Variants in CNTN4 observed in about 807,000 individuals in gnomAD.
CNTN4 encodes the protein contactin-4.
In CNTN4, 77 loss-of-function variants were observed where a neutral mutation model predicts 122.5. The observed-to-expected ratio is 0.63, with a 90% CI of 0.52 to 0.76. The LOEUF is 0.76. CNTN4 is among the 30% of genes least tolerant of loss of function. The pLI, the probability that CNTN4 is intolerant of heterozygous loss-of-function variation, is 0.00. For synonymous variants in CNTN4, 512 were observed against 447.0 expected, an observed-to-expected ratio of 1.15 and a Z score of -1.83; for missense variants, 1,256 against 1,259.1, an observed-to-expected ratio of 1.00 and a Z score of 0.04.
At chr3:2,873,823 A>C (rs917254249) in intron 8 of CNTN4, among the ~76,000 whole-genome samples, 3 of 152,216 alleles carry the variant, frequency 2.0e-5, no homozygotes, top group Admixed American at 1.3e-4. Context: ...TTAGACAGGC[A>C]ACAGGTAGAG....
intron 2 of CNTN4, among the ~76,000 whole-genome samples, chr3:2,193,526 C>T (rs1026257712): frequency 2.0e-5 from 3 of 152,122 alleles, no homozygotes; most frequent in Admixed American, 2.0e-4. Flanking sequence ...CAGTATGTGG[C>T]CATAGACTGG....
At chr3:2,367,587 C>T (rs1303937450) in intron 3 of CNTN4, among the ~76,000 whole-genome samples, 1 of 152,076 alleles carries the variant, frequency 6.6e-6, no homozygotes, top group Non-Finnish European at 1.5e-5. Flanking sequence ...TGCAATGGCA[C>T]AATCTCAGCT....
chr3:2,254,590 G>T (rs2040504453), intron 2 of CNTN4, among the ~76,000 whole-genome samples: 1 of 152,050 alleles, frequency 6.6e-6, no homozygotes, highest in South Asian at 2.1e-4. Flanking sequence ...AATCTAACTG[G>T]CGTGAGATGG....
chr3:2,116,591 T>C (rs1165909380), intron 2 of CNTN4, among the ~76,000 whole-genome samples: 1 of 152,200 alleles, frequency 6.6e-6, no homozygotes, highest in Non-Finnish European at 1.5e-5. Context: ...GGAACACTAA[T>C]TCTTCTAGGT....
intron 4 of CNTN4, among the ~76,000 whole-genome samples, chr3:2,620,599 A>G (rs1392010080): frequency 6.6e-6 from 1 of 152,188 alleles, no homozygotes; most frequent in Non-Finnish European, 1.5e-5. Context: ...TTCTACTCAT[A>G]AAAGACTTAG....
At chr3:2,895,127 C>CA (rs1251088116) in intron 10 of CNTN4, among the ~76,000 whole-genome samples, 1 of 152,146 alleles carries the variant, frequency 6.6e-6, no homozygotes, top group African/African-American at 2.4e-5. Context: ...AGACAGGCAC[C>CA]ACCATGCCCG....
At chr3:2,797,920 A>ATTTTTTTTTTTTTTTTTTT (rs10684232) in intron 6 of CNTN4, among the ~76,000 whole-genome samples, 1 of 137,840 alleles carries the variant, frequency 7.3e-6, no homozygotes, top group African/African-American at 2.7e-5. Context: ...CACACTGAGT[A>ATTTTTTTTTTTTTTTTTTT]TTTTTTTTTT....
At chr3:2,661,649 C>T (rs1015563855) in intron 4 of CNTN4, among the ~76,000 whole-genome samples, 2 of 151,728 alleles carry the variant, frequency 1.3e-5, no homozygotes, top group African/African-American at 4.8e-5. Flanking sequence ...CCTGTCTCTA[C>T]TGAAAGTACA....
chr3:2,932,801 T>C (rs1236478545), intron 13 of CNTN4, among the ~76,000 whole-genome samples: 1 of 58,242 alleles, frequency 1.7e-5, no homozygotes, highest in Non-Finnish European at 3.1e-5. Context: ...GCTTACAGTC[T>C]TTATTTATTT....
At chr3:2,150,398 ATC>A (rs939944658) in intron 2 of CNTN4, among the ~76,000 whole-genome samples, 2 of 152,184 alleles carry the variant, frequency 1.3e-5, no homozygotes, top group African/African-American at 4.8e-5. Flanking sequence ...GAAAATTAAT[ATC>A]TCTTTTTTTC....
rs575415159 is a variant in CNTN4, at chr3:2,922,962, T to C, written c.1208-2667T>C. ...GTGAAAGATGTTCCAGCCAGTCTTA[T>C]CTCGATAAGATATCCAAAAGATTAT... On this transcript the variant is annotated intron_variant, in intron 12 of 24. Transcript: ENST00000418658. Among the ~76,000 whole-genome samples the C allele has an allele frequency of 3.5e-4, 54 of 152,312 alleles. 1 individual carries two copies. Among genetic ancestry groups the C allele is most frequent in the African/African-American group, 1.3e-3 (53 of 41,574 alleles).
intron 5 of CNTN4, among the ~76,000 whole-genome samples, chr3:2,736,770 T>TTTTATTTATTTA (rs563317741): frequency 2.9e-5 from 4 of 137,336 alleles, no homozygotes; most frequent in African/African-American, 5.3e-5. Context: ...GACCAAGAGC[T>TTTTATTTATTTA]TTTATTTATT....
chr3:2,427,682 TC>T (rs2151167428), intron 3 of CNTN4, among the ~76,000 whole-genome samples: 1 of 150,374 alleles, frequency 6.7e-6, no homozygotes, highest in Admixed American at 6.6e-5. Flanking sequence ...TGTTAAAGTC[TC>T]CCATTATTAT....
chr3:2,789,192 G>A (rs942167614), intron 6 of CNTN4, among the ~76,000 whole-genome samples: 10 of 152,126 alleles, frequency 6.6e-5, no homozygotes, highest in Admixed American at 1.3e-4. Context: ...AGATTGTGGA[G>A]GTTGAAATTT....
At chr3:2,278,716 G>A (rs1173308452) in intron 2 of CNTN4, among the ~76,000 whole-genome samples, 3 of 152,266 alleles carry the variant, frequency 2.0e-5, no homozygotes, top group Admixed American at 2.0e-4. Context: ...GCCTAATCCT[G>A]AAAAAGTTTT....
At chr3:2,483,776 C>T (rs193243928) in intron 3 of CNTN4, among the ~76,000 whole-genome samples, 1 of 152,072 alleles carries the variant, frequency 6.6e-6, no homozygotes, top group South Asian at 2.1e-4. Flanking sequence ...CTGAGGCCTC[C>T]CCAACCATGT....
chr3:2,481,004 T>A (rs995222410), intron 3 of CNTN4, among the ~76,000 whole-genome samples: 7 of 132,720 alleles, frequency 5.3e-5, no homozygotes, highest in East Asian at 2.3e-4. Context: ...ATAGTTTTTT[T>A]AATTCTTTCT....
intron 3 of CNTN4, among the ~76,000 whole-genome samples, chr3:2,390,213 AGAGT>A (rs1559511365): frequency 8.8e-6 from 1 of 113,550 alleles, no homozygotes. Context: ...TTAGGAAAAA[AGAGT>A]GTGTGTGTGT....
intron 3 of CNTN4, among the ~76,000 whole-genome samples, chr3:2,500,955 G>C (rs1030277203): frequency 6.6e-6 from 1 of 152,004 alleles, no homozygotes; most frequent in African/African-American, 2.4e-5. Context: ...ACAATGTATA[G>C]ATTGTTAAAA....
Sources: gnomAD v4.1 joint callset for allele counts (sites outside exome capture counted in the v4.1 genomes callset) on GRCh38, gnomAD v4.1.1 for gene constraint, MANE v1.5 for transcripts, NCBI Gene and HGNC (gene_info 2026-07-23, HGNC 2026-07-21) for gene names.